Variants in ACO1 observed in about 807,000 individuals in gnomAD.
ACO1 encodes the protein aconitase 1, also known as cytoplasmic aconitate hydratase.
In ACO1, 78 loss-of-function variants were observed where a neutral mutation model predicts 105.1. The ratio of observed to expected loss-of-function variants is 0.74; its 90% confidence interval spans 0.62 to 0.90. The LOEUF is 0.90. Among genes scored for constraint, ACO1 ranks in the 40% least tolerant of loss-of-function variants. The pLI is 0.00. For synonymous variants in ACO1, 364 were observed against 397.4 expected (o/e 0.92, Z 1.00); for missense variants, 965 against 1,111.1 (o/e 0.87, Z 1.87).
At chr9:32,405,417 T>C in intron 1 of ACO1, 68 bp from the exon 2 acceptor site, 1 of 891,458 alleles carries the variant, frequency 1.1e-6, no homozygotes, top group Non-Finnish European at 1.8e-6. Flanking sequence ...TAAGCCTTCC[T>C]CCCAGTCCTG....
chr9:32,442,047 C>A (rs1316104364), intron 19 of ACO1, among the ~76,000 whole-genome samples: 2 of 152,088 alleles, frequency 1.3e-5, no homozygotes, highest in Non-Finnish European at 2.9e-5. Context: ...TGCCCTCTCT[C>A]TGTAGCAGTG....
intron 4 of ACO1, among the ~76,000 whole-genome samples, chr9:32,414,736 T>C (rs545461701): frequency 2.0e-5 from 3 of 152,142 alleles, no homozygotes; most frequent in African/African-American, 7.2e-5. Flanking sequence ...GCAAAATAGA[T>C]GGGGAGGAGA....
At chr9:32,399,409 A>C (rs1028928593) in intron 1 of ACO1, among the ~76,000 whole-genome samples, 1 of 152,238 alleles carries the variant, frequency 6.6e-6, no homozygotes, top group Non-Finnish European at 1.5e-5. Context: ...CAACTTGGCA[A>C]AAGGTAAATA....
At position 32,408,549 on chromosome 9, in the gene ACO1, G is replaced by A. The variant is rs1383014395; in HGVS notation, c.302G>A (p.Arg101His). 2.5e-6 allele frequency: 4 copies of A among 1,614,030 alleles called. No homozygotes were observed. Among genetic ancestry groups the A allele is most frequent in the Admixed American group, 3.3e-5 (2 of 60,006 alleles). Residue 101 changes from arginine (R) to histidine (H), a missense_variant, in exon 4 of 21, where the codon CGT (arginine) becomes CAT (histidine). Coordinates refer to ENST00000309951, the MANE Select transcript of ACO1 (RefSeq NM_002197.3). Reference sequence around the variant, plus strand: ...GCTGTGGTTGACTTTGCTGCAATGCGTGATGCTGTGAAAAAGTTAGGAGGA... The same window carrying A: ...GCTGTGGTTGACTTTGCTGCAATGCATGATGCTGTGAAAAAGTTAGGAGGA... ...VPAVVDFAAM[R>H]DAVKKLGGDP...
chr9:32,447,617 GAGTTGT>G (rs1266367513), intron 19 of ACO1, among the ~76,000 whole-genome samples: 85 of 152,264 alleles, frequency 5.6e-4, no homozygotes, highest in African/African-American at 1.8e-3. Context: ...TGATGGTGAG[GAGTTGT>G]GATCCTTTGG....
At chr9:32,418,956 C>T (rs1821910515) in intron 6 of ACO1, 82 bp from the exon 7 acceptor site, 1 of 1,427,800 alleles carries the variant, frequency 7.0e-7, no homozygotes, top group Admixed American at 2.5e-5. Context: ...GGTTTATTAC[C>T]TGTTAATGTC....
At position 32,451,141 on chromosome 9, in the gene ACO1, T is replaced by C. The variant is rs1327555603; in HGVS notation, c.*1030T>C. 1 of 152,124 alleles carries C rather than the reference T, an allele frequency of 6.6e-6. No individual in the cohort carries two copies. The highest frequency in any genetic ancestry group is 1.5e-5 in the Non-Finnish European group (1 of 68,006). The allele number at this position is 152,124 out of a possible 1,614,324, so 9.4% of individuals were successfully genotyped here. A position where few individuals can be genotyped will look rare whatever the true frequency, so the allele number is the denominator to read the frequency against. On this transcript the variant is annotated 3_prime_UTR_variant, in exon 21 of 21. Transcript: ENST00000309951. The stretch of plus-strand genomic sequence containing the variant: ...AATTATCTGCTCATTTTTACCCCTG[T>C]AGTCATTTCTGGGCATGCCTTAGTT...
At chr9:32,395,883 G>A (rs769911608) in intron 1 of ACO1, among the ~76,000 whole-genome samples, 6 of 152,226 alleles carry the variant, frequency 3.9e-5, no homozygotes, top group Non-Finnish European at 5.9e-5. Flanking sequence ...AATTTAAAAC[G>A]AGCTTAGAGG....
chr9:32,391,786 C>G (rs1028932), intron 1 of ACO1, among the ~76,000 whole-genome samples: 65,918 of 152,096 alleles, frequency 0.43, 14,801 homozygotes, highest in Non-Finnish European at 0.5. Context: ...TACATGATTA[C>G]CAGGTTTGAA....
intron 4 of ACO1, among the ~76,000 whole-genome samples, chr9:32,417,590 G>C (rs542436453): frequency 6.6e-6 from 1 of 152,318 alleles, no homozygotes; most frequent in South Asian, 2.1e-4. Flanking sequence ...GTTCACAGAT[G>C]TTATCAAGTG....
chr9:32,419,546 T>A (rs1165631068), intron 7 of ACO1, among the ~76,000 whole-genome samples: 1 of 152,244 alleles, frequency 6.6e-6, no homozygotes, highest in Non-Finnish European at 1.5e-5. Context: ...ATATGTAATA[T>A]CTGTGGCTAA....
chr9:32,429,729 AT>A lies in ACO1; in HGVS notation c.1569+230del, dbSNP rs1438640279. Among the ~76,000 whole-genome samples the A allele has an allele frequency of 5.9e-5, 9 of 152,316 alleles. No homozygotes were observed. The East Asian group carries it at 1.2e-3, about 20-fold the overall frequency. ...TATATTGGAGATGATAATAGTATCTATTTTATAGAGTTGTGAGAATTAAGAT... is the reference window on the plus strand; with the variant it reads ...TATATTGGAGATGATAATAGTATCTATTTATAGAGTTGTGAGAATTAAGAT... On this transcript the variant is annotated intron_variant, in intron 13 of 20. Coordinates refer to ENST00000309951, the MANE Select transcript of ACO1 (RefSeq NM_002197.3).
intron 1 of ACO1, among the ~76,000 whole-genome samples, chr9:32,403,197 G>A (rs1236651181): frequency 2.0e-5 from 3 of 152,180 alleles, no homozygotes; most frequent in African/African-American, 4.8e-5. Context: ...CTTACTGGAT[G>A]TATGCCGTTA....
chr9:32,448,653 C>T (rs1822678023), intron 19 of ACO1, among the ~76,000 whole-genome samples: 1 of 152,162 alleles, frequency 6.6e-6, no homozygotes, highest in Non-Finnish European at 1.5e-5. Flanking sequence ...TGACGCCCCA[C>T]CCCACTTGAG....
intron 4 of ACO1, among the ~76,000 whole-genome samples, chr9:32,410,901 A>G (rs1157956065): frequency 3.9e-5 from 6 of 152,212 alleles, no homozygotes; most frequent in Non-Finnish European, 5.9e-5. Flanking sequence ...TGCAGTAGCC[A>G]GGTTGGGAGC....
chr9:32,417,169 T>C (rs1238400215), intron 4 of ACO1, among the ~76,000 whole-genome samples: 2 of 152,188 alleles, frequency 1.3e-5, no homozygotes, highest in African/African-American at 4.8e-5. Context: ...TGTCTCAGTT[T>C]CCCCACTTGA....
intron 1 of ACO1, among the ~76,000 whole-genome samples, chr9:32,400,101 G>T (rs10970959): frequency 6.7e-6 from 1 of 150,150 alleles, no homozygotes; most frequent in Admixed American, 6.7e-5. Context: ...CTCCTGAGTA[G>T]CTGGGACTCC....
intron 17 of ACO1, 41 bp downstream of exon 17, chr9:32,434,742 G>A (rs539455097): frequency 8.1e-6 from 13 of 1,608,540 alleles, no homozygotes; most frequent in Middle Eastern, 1.7e-4. Flanking sequence ...GGCAAAAATG[G>A]AGGAATGGAG....
At chr9:32,395,035 A>C (rs1457313177) in intron 1 of ACO1, among the ~76,000 whole-genome samples, 1 of 152,204 alleles carries the variant, frequency 6.6e-6, no homozygotes, top group African/African-American at 2.4e-5. Flanking sequence ...GAGTTAGAAA[A>C]GTTCATTGCC....
Sources: allele counts gnomAD v4.1 joint callset (sites outside exome capture counted in the v4.1 genomes callset), GRCh38; gene constraint gnomAD v4.1.1; transcripts MANE v1.5; gene names NCBI Gene and HGNC (gene_info 2026-07-23, HGNC 2026-07-21).